PPFIA2: variants seen among roughly 807,000 people sequenced by gnomAD.
PPFIA2 encodes the protein PPFI scaffold protein A2.
PPFIA2 carries 46 observed loss-of-function variants against 175.5 expected under a neutral mutation model. The ratio of observed to expected loss-of-function variants is 0.26; its 90% CI spans 0.21 to 0.34. The LOEUF is 0.34. Among genes scored for constraint, PPFIA2 ranks in the 10% least tolerant of loss-of-function variants. The pLI, the probability that PPFIA2 is intolerant of heterozygous loss-of-function variation, is 1.00. For synonymous variants in PPFIA2, 568 were observed against 511.4 expected (o/e 1.11, Z -1.49); for missense variants, 1,179 against 1,506.1 (o/e 0.78, Z 3.60).
intron 4 of PPFIA2, among the ~76,000 whole-genome samples, chr12:81,630,290 ACAATTGC>A (rs574282583): frequency 1.1e-4 from 17 of 152,332 alleles, no homozygotes; most frequent in African/African-American, 3.8e-4. Flanking sequence ...GGAAACATGT[ACAATTGC>A]CCAATGCAGA....
Position 81,339,283 on chromosome 12 carries a change from G to T in PPFIA2, c.2445C>A (p.Asn815Lys). The change falls in exon 21 of 33, where the codon AAC becomes AAA. Residue 815 changes from asparagine (N) to lysine (K), a missense_variant. Around this residue, in one of 10 missense-constraint regions of PPFIA2, gnomAD observed 223 missense variants for 241.6 expected, o/e 0.92. Coordinates refer to ENST00000549396, the MANE Select transcript of PPFIA2 (RefSeq NM_003625.5). ...EPESLGLGSA[N>K]SSQDSLHKAP... Reference sequence around the variant, plus strand: ...CTTTGTGAAGAGAGTCTTGGCTGCTGTTGGCACTACCAAGCCCGAGGCTTT... The same window carrying T: ...CTTTGTGAAGAGAGTCTTGGCTGCTTTTGGCACTACCAAGCCCGAGGCTTT... 6.2e-7 allele frequency: 1 copy of T among 1,610,284 alleles called. No individual in the cohort carries two copies. The highest frequency in any genetic ancestry group is 1.1e-5 in the South Asian group (1 of 90,494).
intron 14 of PPFIA2, among the ~76,000 whole-genome samples, chr12:81,365,433 T>C (rs965511138): frequency 9.2e-5 from 14 of 151,910 alleles, no homozygotes; most frequent in African/African-American, 2.6e-4. Flanking sequence ...CTTGGTTGCT[T>C]AGGCAGATTG....
intron 3 of PPFIA2, among the ~76,000 whole-genome samples, chr12:81,717,019 G>A (rs2153623981): frequency 6.6e-6 from 1 of 151,754 alleles, no homozygotes; most frequent in African/African-American, 2.4e-5. Flanking sequence ...CTGAAGTAAT[G>A]TAATTGTAAG....
intron 17 of PPFIA2, among the ~76,000 whole-genome samples, chr12:81,352,580 G>A (rs1200798909): frequency 3.3e-5 from 5 of 151,662 alleles, no homozygotes; most frequent in African/African-American, 1.2e-4. Context: ...AACTGTTAAT[G>A]TTAATAAACT....
intron 4 of PPFIA2, among the ~76,000 whole-genome samples, chr12:81,581,865 A>G (rs1047211798): frequency 1.3e-5 from 2 of 151,870 alleles, no homozygotes; most frequent in East Asian, 3.9e-4. Context: ...GCAAGCCTCA[A>G]CTGAATGGTG....
chr12:81,363,520 T>C (rs1230081471), intron 14 of PPFIA2, among the ~76,000 whole-genome samples: 1 of 151,718 alleles, frequency 6.6e-6, no homozygotes, highest in Non-Finnish European at 1.5e-5. Flanking sequence ...TTTTAATGAT[T>C]ATAACTGTTA....
At chr12:81,499,763 T>G (rs551712286) in intron 4 of PPFIA2, among the ~76,000 whole-genome samples, 1 of 151,878 alleles carries the variant, frequency 6.6e-6, no homozygotes, top group Non-Finnish European at 1.5e-5. Context: ...GAAGAATAAA[T>G]CATTCATACC....
intron 3 of PPFIA2, among the ~76,000 whole-genome samples, chr12:81,749,916 T>C (rs2083526132): frequency 6.9e-6 from 1 of 144,106 alleles, no homozygotes; most frequent in South Asian, 2.3e-4. Flanking sequence ...TACTTCTCCA[T>C]TTACTTTAAA....
chr12:81,553,446 T>C (rs1169890961), intron 4 of PPFIA2, among the ~76,000 whole-genome samples: 1 of 152,056 alleles, frequency 6.6e-6, no homozygotes, highest in African/African-American at 2.4e-5. Context: ...CTTCATTTCT[T>C]TGAATCTTAG....
chr12:81,282,877 T>A, intron 26 of PPFIA2, 133 bp downstream of exon 26: 1 of 611,686 alleles, frequency 1.6e-6, no homozygotes, highest in Non-Finnish European at 2.8e-6. Context: ...TAATCTACAT[T>A]TACCTATACA....
At chr12:81,502,832 A>G (rs567950642) in intron 4 of PPFIA2, among the ~76,000 whole-genome samples, 4 of 152,286 alleles carry the variant, frequency 2.6e-5, no homozygotes, top group African/African-American at 9.6e-5. Flanking sequence ...TTTATTTGTA[A>G]TCATTTATCT....
At chr12:81,603,140 C>T (rs892288703) in intron 4 of PPFIA2, among the ~76,000 whole-genome samples, 7 of 151,924 alleles carry the variant, frequency 4.6e-5, no homozygotes, top group African/African-American at 1.7e-4. Context: ...TCAGTGACCA[C>T]GCTGAGTTCA....
At chr12:81,544,388 T>C (rs1238071424) in intron 4 of PPFIA2, among the ~76,000 whole-genome samples, 2 of 152,138 alleles carry the variant, frequency 1.3e-5, no homozygotes, top group African/African-American at 2.4e-5. Flanking sequence ...GGAGTGATAG[T>C]GTACCTCATG....
intron 31 of PPFIA2, 114 bp downstream of exon 31, chr12:81,263,117 A>C: frequency 9.1e-7 from 1 of 1,094,584 alleles, no homozygotes; most frequent in African/African-American, 1.6e-5. Context: ...AGTAAATTTC[A>C]AGCAGAGCAA....
intron 7 of PPFIA2, among the ~76,000 whole-genome samples, chr12:81,406,608 A>G (rs1421570452): frequency 1.3e-5 from 2 of 152,066 alleles, no homozygotes; most frequent in Admixed American, 1.3e-4. Context: ...TGATCCTAGT[A>G]ATAGAGTGAA....
intron 3 of PPFIA2, among the ~76,000 whole-genome samples, chr12:81,721,936 A>G (rs2079405302): frequency 6.6e-6 from 1 of 151,160 alleles, no homozygotes; most frequent in Non-Finnish European, 1.5e-5. Context: ...TTATAAGCAC[A>G]TAATAGATAT....
At chr12:81,491,839 T>C (rs2059449464) in intron 4 of PPFIA2, among the ~76,000 whole-genome samples, 1 of 152,046 alleles carries the variant, frequency 6.6e-6, no homozygotes, top group African/African-American at 2.4e-5. Flanking sequence ...AAATGTCTAA[T>C]ACTTCTCTAA....
At chr12:81,440,444 C>A (rs954103276) in intron 6 of PPFIA2, among the ~76,000 whole-genome samples, 9 of 152,016 alleles carry the variant, frequency 5.9e-5, no homozygotes, top group Admixed American at 5.9e-4. Context: ...TTCTCTACTT[C>A]TGTAAAATAA....
Position 81,353,185 on chromosome 12 carries a change from T to A in PPFIA2, c.1928A>T (p.His643Leu). ...CATGGCTAGCGTCTGGGCATCGGAA[T>A]GACCACTTGGAGAGAGAAGATCCAT... ...SSMDLLSPSG[H>L]SDAQTLAMML... Residue 643 changes from histidine to leucine, a missense_variant, in exon 17 of 33, where the codon CAT becomes CTT. Coordinates refer to ENST00000549396, the MANE Select transcript of PPFIA2 (RefSeq NM_003625.5). The A allele has an allele frequency of 6.2e-7, 1 of 1,613,904 alleles. No individual in the cohort carries two copies. The highest frequency in any genetic ancestry group is 8.5e-7 in the Non-Finnish European group (1 of 1,179,832).
Sources: allele counts gnomAD v4.1 joint callset (sites outside exome capture counted in the v4.1 genomes callset), GRCh38; gene constraint gnomAD v4.1.1; regional missense constraint gnomAD v4.1.1; transcripts MANE v1.5; gene names NCBI Gene and HGNC (gene_info 2026-07-23, HGNC 2026-07-21).